PIP5K1C: variants seen among roughly 807,000 people sequenced by gnomAD.
PIP5K1C encodes phosphatidylinositol-4-phosphate 5-kinase type 1 gamma.
Under a neutral mutation model 80.1 loss-of-function variants are expected in PIP5K1C, and 45 were observed. That is an observed-to-expected ratio of 0.56 (90% CI 0.44 to 0.72). PIP5K1C has a LOEUF of 0.72. PIP5K1C is among the 30% of genes least tolerant of loss of function. The probability of loss-of-function intolerance (pLI) is 0.00; values close to 1 mark genes in which losing one functional copy is unlikely to be tolerated. For missense variants in PIP5K1C, 753 were observed against 954.6 expected, an observed-to-expected ratio of 0.79 and a Z score of 2.78; for synonymous variants, 498 against 420.1, an observed-to-expected ratio of 1.19 and a Z score of -2.27.
chr19:3,656,510 G>C lies in PIP5K1C; in HGVS notation c.516C>G (p.Ala172=), dbSNP rs1262821009. ...TGGTGACGTAGAAGAGGGAGCCACTGGCGCCCGGGTTGGACAGCTCGATCA... is the reference window on the plus strand; with the variant it reads ...TGGTGACGTAGAAGAGGGAGCCACTCGCGCCCGGGTTGGACAGCTCGATCA... ...EPLIELSNPG[A]SGSLFYVTSD... Residue 172 remains alanine (A), a synonymous_variant, in exon 6 of 18, where the codon GCC becomes GCG. Coordinates refer to ENST00000335312, the MANE Select transcript of PIP5K1C (RefSeq NM_012398.3). 6.2e-7 allele frequency: 1 copy of C among 1,613,762 alleles called. No individual in the cohort carries two copies. Among genetic ancestry groups the C allele is most frequent in the Non-Finnish European group, 8.5e-7 (1 of 1,180,038 alleles).
At chr19:3,657,688 G>A (rs1287813548) in intron 5 of PIP5K1C, among the ~76,000 whole-genome samples, 1 of 152,074 alleles carries the variant, frequency 6.6e-6, no homozygotes, top group East Asian at 1.9e-4. Context: ...CCAACACCTT[G>A]GGAGGCTGAG....
At chr19:3,685,922 G>T (rs1191145071) in intron 1 of PIP5K1C, among the ~76,000 whole-genome samples, 1 of 151,904 alleles carries the variant, frequency 6.6e-6, no homozygotes, top group Non-Finnish European at 1.5e-5. Flanking sequence ...GGAACACAGT[G>T]GTGCCACCAT....
chr19:3,678,755 G>A (rs2035494141), intron 1 of PIP5K1C, among the ~76,000 whole-genome samples: 4 of 133,304 alleles, frequency 3.0e-5, no homozygotes, highest in Admixed American at 2.9e-4. Flanking sequence ...GGGACAGAGG[G>A]ATGGCGGGAT....
rs905653953 is a variant in PIP5K1C at position 3,643,099 on chromosome 19, A to G, written c.1649+144T>C. ...CACATTGGATGCTCCGCCCCCGCGCACCCACATGCAGTGTATGTACATCCA... is the reference window on the plus strand; with the variant it reads ...CACATTGGATGCTCCGCCCCCGCGCGCCCACATGCAGTGTATGTACATCCA... On this transcript the variant is annotated intron_variant, in intron 13 of 17. Coordinates refer to ENST00000335312, the MANE Select transcript of PIP5K1C (RefSeq NM_012398.3). The G allele has an allele frequency of 3.4e-5, 50 of 1,468,704 alleles. No homozygotes were observed. The South Asian group carries it at 4.6e-4, about 13-fold the overall frequency. 91.0% of individuals were successfully genotyped at this position (1,468,704 alleles called of 1,614,324 possible).
chr19:3,636,501 C>G, intron 16 of PIP5K1C: 1 of 985,566 alleles, frequency 1.0e-6, no homozygotes, highest in Non-Finnish European at 1.2e-6. Flanking sequence ...GCGGCCTCTG[C>G]GAACTGCTCC....
chr19:3,653,514 T>C lies in PIP5K1C; in HGVS notation c.697A>G (p.Ile233Val). 1 of 1,613,846 alleles carries C rather than the reference T, an allele frequency of 6.2e-7. No homozygotes were observed. Among genetic ancestry groups the C allele is most frequent in the Non-Finnish European group, 8.5e-7 (1 of 1,180,012 alleles). ...ATGTTGTTCATGACCACGACGCGGA[T>C]GTTCTTGCCCCCCGACTGCACGCAG... ...LYCVQSGGKN[I>V]RVVVMNNILP... is the part of the protein sequence containing the mutation. The change falls in exon 7 of 18, where the codon ATC becomes GTC. Residue 233 changes from isoleucine to valine, a missense_variant. Physicochemically the swap from Ile to Val is conservative, Grantham distance 29. Coordinates refer to ENST00000335312, the MANE Select transcript of PIP5K1C (RefSeq NM_012398.3).
Position 3,654,645 on chromosome 19 carries a change from G to A in PIP5K1C, c.622-1056C>T, listed in dbSNP as rs969248896. 7.9e-5 allele frequency among the ~76,000 whole-genome samples: 12 copies of A among 151,734 alleles called. No individual in the cohort carries two copies. The East Asian group carries it at 9.7e-4, about 12-fold the overall frequency. On this transcript the variant is annotated intron_variant, in intron 6 of 17. Coordinates refer to ENST00000335312, the MANE Select transcript of PIP5K1C (RefSeq NM_012398.3). Reference sequence around the variant, plus strand: ...AGCCTGGCCAACATGGTGAAACCCCGTCTCTATTAAAAATAAAAATTAGCT... The same window carrying A: ...AGCCTGGCCAACATGGTGAAACCCCATCTCTATTAAAAATAAAAATTAGCT...
intron 12 of PIP5K1C, 33 bp downstream of exon 12, chr19:3,644,054 G>T: frequency 6.2e-7 from 1 of 1,607,612 alleles, no homozygotes; most frequent in Non-Finnish European, 8.5e-7. Context: ...CCCCTGTAGC[G>T]CCCACAAGCG....
At position 3,661,996 on chromosome 19, in the gene PIP5K1C, G is replaced by C. The variant is rs1201932138; in HGVS notation, c.225C>G (p.Thr75=). The change falls in exon 4 of 18, where the codon ACC becomes ACG. Residue 75 remains threonine, a synonymous_variant. Coordinates refer to ENST00000335312, the MANE Select transcript of PIP5K1C (RefSeq NM_012398.3). ...ASGETTYKKT[T]SSTLKGAIQL... Reference sequence around the variant, plus strand: ...GGATGGCACCCTTCAGGGTGGAGGAGGTGGTCTGCAGGGAGACCAGAGTGT... The same window carrying C: ...GGATGGCACCCTTCAGGGTGGAGGACGTGGTCTGCAGGGAGACCAGAGTGT... The C allele has an allele frequency of 5.0e-6, 8 of 1,595,228 alleles. No homozygotes were observed. The highest frequency in any genetic ancestry group is 1.7e-4 in the Middle Eastern group (1 of 6,012).
intron 11 of PIP5K1C, among the ~76,000 whole-genome samples, chr19:3,645,212 T>G (rs1213790350): frequency 6.6e-6 from 1 of 152,056 alleles, no homozygotes; most frequent in Non-Finnish European, 1.5e-5. Context: ...CGCAGATCAT[T>G]CATGCCCCCC....
At chr19:3,681,306 C>T (rs2035582437) in intron 1 of PIP5K1C, among the ~76,000 whole-genome samples, 1 of 151,642 alleles carries the variant, frequency 6.6e-6, no homozygotes, top group Non-Finnish European at 1.5e-5. Context: ...TTTTGGCTCA[C>T]TGCAACCTCT....
Position 3,646,052 on chromosome 19 carries a change from C to T in PIP5K1C, c.1267G>A (p.Val423Met). 1.2e-6 allele frequency: 2 copies of T among 1,611,228 alleles called. No individual in the cohort carries two copies. The highest frequency in any genetic ancestry group is 1.7e-6 in the Non-Finnish European group (2 of 1,178,574). ...TAGAAGCTGGGGCGGTGGACGGACA[C>T]CGTGTCCTGGAAGAGAGTTGGGGGG... ...WKALVHDGDTVSVHRPSFYAE... is the reference protein window; with the variant it reads ...WKALVHDGDTMSVHRPSFYAE... Residue 423 changes from valine to methionine, a missense_variant, in exon 11 of 18, where the codon GTG becomes ATG. Val to Met is a conservative substitution (Grantham distance 21, BLOSUM62 1). Transcript: ENST00000335312.
Position 3,637,862 on chromosome 19 carries a change from C to T in PIP5K1C, c.1920+1022G>A. On this transcript the variant is annotated intron_variant, in intron 16 of 17. Transcript: ENST00000335312. This position sits in a 1 kb window ranked among gnomAD's most constrained non-coding sequence, Gnocchi z 7.0. ...ACACAGCACGACATGGCCCCCAGGCCCCCCGTACCATCCGGAGACCAGGAC... is the reference window on the plus strand; with the variant it reads ...ACACAGCACGACATGGCCCCCAGGCTCCCCGTACCATCCGGAGACCAGGAC... 1 of 1,535,364 alleles carries T rather than the reference C, an allele frequency of 6.5e-7. No individual in the cohort carries two copies. Among genetic ancestry groups the T allele is most frequent in the Non-Finnish European group, 8.7e-7 (1 of 1,146,688 alleles).
Position 3,633,049 on chromosome 19 carries a change from C to T in PIP5K1C, c.*118G>A, listed in dbSNP as rs921562570. On this transcript the variant is annotated 3_prime_UTR_variant, in exon 18 of 18. Transcript: ENST00000335312. ...ATCCGTGCAGGGGGAGGACGAGGTC[C>T]GGTGGGGCGGCGAGGCGGGCATCTC... is the stretch of plus-strand genomic sequence containing the variant. 47 of 668,636 alleles carry T rather than the reference C, an allele frequency of 7.0e-5. No individual in the cohort carries two copies. The highest frequency in any genetic ancestry group is 2.5e-4 in the African/African-American group (14 of 56,014). The allele number at this position is 668,636 out of a possible 1,614,324, so 41.4% of individuals were successfully genotyped here.
intron 1 of PIP5K1C, among the ~76,000 whole-genome samples, chr19:3,694,360 C>A (rs1384736356): frequency 1.3e-5 from 2 of 152,322 alleles, no homozygotes; most frequent in African/African-American, 4.8e-5. Context: ...TTTGGGGGTC[C>A]CCACTGCCTG....
intron 16 of PIP5K1C, among the ~76,000 whole-genome samples, chr19:3,634,011 T>G (rs928354765): frequency 1.3e-5 from 2 of 152,014 alleles, no homozygotes; most frequent in Non-Finnish European, 2.9e-5. Flanking sequence ...CCTGAATATA[T>G]GGCTGCCTGC....
chr19:3,687,876 G>A (rs1028624607), intron 1 of PIP5K1C, among the ~76,000 whole-genome samples: 2 of 152,236 alleles, frequency 1.3e-5, no homozygotes, highest in African/African-American at 4.8e-5. Flanking sequence ...GAAGCTCTGC[G>A]CAGGCGGGCG....
intron 1 of PIP5K1C, among the ~76,000 whole-genome samples, chr19:3,681,500 G>A (rs1237755145): frequency 6.6e-6 from 1 of 152,044 alleles, no homozygotes; most frequent in Non-Finnish European, 1.5e-5. Context: ...CCAAAGTGCT[G>A]GGATTACAGG....
chr19:3,680,327 C>T (rs183572759), intron 1 of PIP5K1C, among the ~76,000 whole-genome samples: 2 of 152,290 alleles, frequency 1.3e-5, no homozygotes, highest in Admixed American at 1.3e-4. Context: ...TCTTTTGAGA[C>T]GGAGTCCTGC....
Sources: allele counts gnomAD v4.1 joint callset (sites outside exome capture counted in the v4.1 genomes callset), GRCh38; gene constraint gnomAD v4.1.1; non-coding constraint Gnocchi (gnomAD v3.1); transcripts MANE v1.5; gene names NCBI Gene and HGNC (gene_info 2026-07-23, HGNC 2026-07-21).